Variants in ANKS1B observed in about 807,000 individuals in gnomAD.
ANKS1B encodes ankyrin repeat and sterile alpha motif domain containing 1B.
ANKS1B carries 36 observed loss-of-function variants against 148.3 expected under a neutral mutation model. That is an observed-to-expected ratio of 0.24 (90% confidence interval 0.19 to 0.32). The LOEUF is 0.32. ANKS1B is among the 10% of genes least tolerant of loss of function. The probability of loss-of-function intolerance (pLI) is 1.00; values close to 1 mark genes in which losing one functional copy is unlikely to be tolerated. For synonymous variants in ANKS1B, 542 were observed against 560.8 expected (o/e 0.97, Z 0.47); for missense variants, 1,157 against 1,542.6 (o/e 0.75, Z 4.19).
At chr12:99,289,971 T>C (rs2154007507) in intron 12 of ANKS1B, among the ~76,000 whole-genome samples, 1 of 150,738 alleles carries the variant, frequency 6.6e-6, no homozygotes. Flanking sequence ...ATACAAAACG[T>C]CAATGAAATG....
intron 12 of ANKS1B, among the ~76,000 whole-genome samples, chr12:99,271,118 C>T (rs142522814): frequency 1.2e-4 from 18 of 152,302 alleles, no homozygotes; most frequent in East Asian, 7.7e-4. Context: ...TCTTGCCTTG[C>T]GCTTTATATC....
intron 8 of ANKS1B, among the ~76,000 whole-genome samples, chr12:99,671,081 T>C (rs181722419): frequency 6.6e-6 from 1 of 152,340 alleles, no homozygotes; most frequent in East Asian, 1.9e-4. Flanking sequence ...ATAATTCAGA[T>C]GTTTGGACAA....
intron 1 of ANKS1B, among the ~76,000 whole-genome samples, chr12:99,947,214 C>T (rs565386241): frequency 8.4e-6 from 1 of 118,754 alleles, no homozygotes; most frequent in African/African-American, 3.3e-5. Flanking sequence ...GTGAAGAAGA[C>T]AAAAGCACTG....
chr12:99,726,979 G>A (rs1055155290), intron 8 of ANKS1B, among the ~76,000 whole-genome samples: 1 of 152,064 alleles, frequency 6.6e-6, no homozygotes, highest in Non-Finnish European at 1.5e-5. Flanking sequence ...AGATATTGAT[G>A]GAACATATCT....
At chr12:99,121,311 G>A (rs1260646719) in intron 15 of ANKS1B, among the ~76,000 whole-genome samples, 3 of 137,446 alleles carry the variant, frequency 2.2e-5, no homozygotes, top group Non-Finnish European at 4.6e-5. Context: ...AACAGTGTGT[G>A]TATGTAGGTA....
chr12:99,648,744 C>T (rs1431047177), intron 9 of ANKS1B: 2 of 1,613,608 alleles, frequency 1.2e-6, no homozygotes, highest in Non-Finnish European at 1.7e-6. Flanking sequence ...TAGCTGGGAA[C>T]ACATTGGACT....
intron 10 of ANKS1B, among the ~76,000 whole-genome samples, chr12:99,485,560 G>T (rs1567194217): frequency 3.3e-5 from 5 of 152,036 alleles, no homozygotes; most frequent in Admixed American, 3.3e-4. Context: ...CTAGACCAGG[G>T]AAGTTTTCCT....
intron 17 of ANKS1B, among the ~76,000 whole-genome samples, chr12:98,999,236 A>AC (rs138620525): frequency 0.38 from 58,085 of 152,100 alleles, 11,389 homozygotes; most frequent in South Asian, 0.46. Flanking sequence ...GGCAGAGTCA[A>AC]CTTTCGGTGA....
At chr12:99,503,090 T>A (rs977050685) in intron 10 of ANKS1B, among the ~76,000 whole-genome samples, 6 of 152,150 alleles carry the variant, frequency 3.9e-5, no homozygotes, top group Admixed American at 1.3e-4. Context: ...GCATGGGCCA[T>A]CACGTCCAGC....
intron 14 of ANKS1B, among the ~76,000 whole-genome samples, chr12:99,239,600 C>G (rs537295406): frequency 9.2e-5 from 14 of 152,128 alleles, no homozygotes; most frequent in African/African-American, 3.4e-4. Context: ...AGAGCAACCC[C>G]AAGACACATA....
At chr12:99,065,057 C>T (rs11609338) in intron 16 of ANKS1B, among the ~76,000 whole-genome samples, 2,073 of 152,110 alleles carry the variant, frequency 0.014, 24 homozygotes, top group Non-Finnish European at 0.019. Flanking sequence ...TAGAATAAGG[C>T]GCTGAACAAT....
At chr12:99,404,716 T>A (rs2094492264) in intron 11 of ANKS1B, among the ~76,000 whole-genome samples, 2 of 142,718 alleles carry the variant, frequency 1.4e-5, no homozygotes, top group Admixed American at 6.9e-5. Flanking sequence ...GGGAGAGAGG[T>A]GGGTGGAATA....
chr12:99,883,963 T>C (rs924538874), intron 1 of ANKS1B, among the ~76,000 whole-genome samples: 1 of 151,766 alleles, frequency 6.6e-6, no homozygotes, highest in African/African-American at 2.4e-5. Context: ...TATCTGACTA[T>C]ATGAAAACTC....
At chr12:99,024,810 C>T (rs1299323898) in intron 17 of ANKS1B, among the ~76,000 whole-genome samples, 2 of 152,132 alleles carry the variant, frequency 1.3e-5, no homozygotes, top group Admixed American at 6.6e-5. Context: ...GTGGCCTGTA[C>T]ACCCCCAGGG....
chr12:99,528,483 A>T (rs75845450), intron 9 of ANKS1B, among the ~76,000 whole-genome samples: 2 of 151,006 alleles, frequency 1.3e-5, no homozygotes, highest in East Asian at 1.9e-4. Flanking sequence ...GACAACCTAC[A>T]GAATGGGAGA....
At chr12:99,950,095 C>T (rs925744409) in intron 1 of ANKS1B, among the ~76,000 whole-genome samples, 34 of 149,584 alleles carry the variant, frequency 2.3e-4, no homozygotes, top group African/African-American at 8.0e-4. Flanking sequence ...TACAGGTGCA[C>T]GCCATCATGC....
At chr12:99,000,281 T>C (rs1243367031) in intron 17 of ANKS1B, among the ~76,000 whole-genome samples, 2 of 147,768 alleles carry the variant, frequency 1.4e-5, no homozygotes, top group African/African-American at 5.0e-5. Flanking sequence ...TTTTTTTTTT[T>C]TTTTTTGAGA....
intron 11 of ANKS1B, among the ~76,000 whole-genome samples, chr12:99,413,602 C>T (rs2094792775): frequency 6.6e-6 from 1 of 152,182 alleles, no homozygotes; most frequent in Non-Finnish European, 1.5e-5. Flanking sequence ...TAAACTCTTA[C>T]AGTCACTACA....
intron 17 of ANKS1B, among the ~76,000 whole-genome samples, chr12:98,897,856 A>G (rs1240839945): frequency 2.6e-5 from 4 of 152,212 alleles, no homozygotes; most frequent in East Asian, 3.8e-4. Context: ...AAATGTAAAT[A>G]TACACCATGG....
Sources: allele counts gnomAD v4.1 joint callset (sites outside exome capture counted in the v4.1 genomes callset), GRCh38; gene constraint gnomAD v4.1.1; transcripts MANE v1.5; gene names NCBI Gene and HGNC (gene_info 2026-07-23, HGNC 2026-07-21).